Variants in SLC35F4 observed in about 807,000 individuals in gnomAD.
The protein encoded by SLC35F4 is chromosome 14 open reading frame 36.
Under a neutral mutation model 44.2 loss-of-function variants are expected in SLC35F4, and 24 were observed. The observed-to-expected ratio is 0.54, with a 90% CI of 0.39 to 0.76. The LOEUF (loss-of-function observed/expected upper bound fraction) is 0.76, where lower values mean the gene tolerates loss of function less well. Ranked by LOEUF, SLC35F4 falls within the 30% of genes least tolerant of loss-of-function variation. The probability of loss-of-function intolerance (pLI) is 0.00; values close to 1 mark genes in which losing one functional copy is unlikely to be tolerated. For synonymous variants in SLC35F4, 238 were observed against 223.6 expected (o/e 1.06, Z -0.57); for missense variants, 562 against 586.1 (o/e 0.96, Z 0.42).
At chr14:57,944,547 T>C (rs1889973580) in intron 1 of SLC35F4, among the ~76,000 whole-genome samples, 1 of 151,862 alleles carries the variant, frequency 6.6e-6, no homozygotes, top group Admixed American at 6.6e-5. Flanking sequence ...TCCTCAAAAT[T>C]GTGCTTTGTG....
At chr14:57,937,175 C>A (rs893278743) in intron 1 of SLC35F4, among the ~76,000 whole-genome samples, 3 of 151,164 alleles carry the variant, frequency 2.0e-5, no homozygotes, top group Non-Finnish European at 4.4e-5. Context: ...TCAAGCAATT[C>A]TCCTGCCTCA....
intron 1 of SLC35F4, among the ~76,000 whole-genome samples, chr14:57,924,453 CTTTTT>C (rs879756219): frequency 6.9e-6 from 1 of 144,054 alleles, no homozygotes; most frequent in Admixed American, 6.9e-5. Context: ...CTCTTTCTTT[CTTTTT>C]TTTTTTTTAA....
intron 1 of SLC35F4, among the ~76,000 whole-genome samples, chr14:57,710,828 T>C (rs2075800942): frequency 6.6e-6 from 1 of 152,092 alleles, no homozygotes. Context: ...TGTAACCACA[T>C]TTTATCTTGG....
At chr14:57,734,888 T>G (rs925050190) in intron 1 of SLC35F4, among the ~76,000 whole-genome samples, 1 of 152,242 alleles carries the variant, frequency 6.6e-6, no homozygotes. Context: ...AGTCCCCATG[T>G]AGCCTTATGC....
At chr14:57,702,331 T>TA (rs5808935) in intron 1 of SLC35F4, among the ~76,000 whole-genome samples, 3,262 of 136,538 alleles carry the variant, frequency 0.024, 47 homozygotes, top group Middle Eastern at 0.036. Context: ...TCATTTTCTT[T>TA]AAAAAAAAAA....
chr14:57,585,412 T>C (rs1222763388), intron 3 of SLC35F4, among the ~76,000 whole-genome samples: 1 of 152,216 alleles, frequency 6.6e-6, no homozygotes, highest in Non-Finnish European at 1.5e-5. Context: ...GCTAGAAGCA[T>C]TCCCTTTGAA....
intron 1 of SLC35F4, among the ~76,000 whole-genome samples, chr14:57,598,839 A>G (rs2070644283): frequency 1.3e-5 from 2 of 152,182 alleles, no homozygotes; most frequent in Non-Finnish European, 2.9e-5. Context: ...CTAAAGGTAG[A>G]AATCATGAAT....
intron 1 of SLC35F4, among the ~76,000 whole-genome samples, chr14:57,819,990 AG>A (rs1023553298): frequency 6.6e-6 from 1 of 152,158 alleles, no homozygotes; most frequent in African/African-American, 2.4e-5. Context: ...AATACATGAG[AG>A]GGGTGGAATT....
At position 57,813,561 on chromosome 14, in the gene SLC35F4, TA is replaced by T. The variant is rs879258777; in HGVS notation, c.103+52161del. Among the ~76,000 whole-genome samples, 205 of 151,778 alleles carry T rather than the reference TA, an allele frequency of 1.4e-3. 1 individual carries two copies. Among genetic ancestry groups the T allele is most frequent in the African/African-American group, 4.8e-3 (200 of 41,426 alleles). ...GCAGAGTGAGACTGTCTCAAAAAAA[TA>T]AAAAAAAGTATTTTAATAAATATTA... On this transcript the variant is annotated intron_variant, in intron 1 of 7. Coordinates refer to ENST00000556826, the MANE Select transcript of SLC35F4 (RefSeq NM_001306087.2).
intron 1 of SLC35F4, among the ~76,000 whole-genome samples, chr14:57,695,849 T>C (rs1388990326): frequency 6.6e-6 from 1 of 152,110 alleles, no homozygotes; most frequent in African/African-American, 2.4e-5. Flanking sequence ...CCATAAAAAA[T>C]TATGAGTTCA....
At chr14:57,917,873 C>T (rs753111335) in intron 1 of SLC35F4, among the ~76,000 whole-genome samples, 1 of 152,132 alleles carries the variant, frequency 6.6e-6, no homozygotes, top group Non-Finnish European at 1.5e-5. Context: ...GCCTGTGGCC[C>T]TGCATTATGA....
chr14:57,926,294 G>T (rs896238730), intron 1 of SLC35F4, among the ~76,000 whole-genome samples: 2 of 152,140 alleles, frequency 1.3e-5, no homozygotes, highest in Non-Finnish European at 2.9e-5. Flanking sequence ...CTGTGGCAGG[G>T]CTCTGGCTGC....
chr14:57,936,782 A>T (rs1236329370), intron 1 of SLC35F4, among the ~76,000 whole-genome samples: 2 of 151,544 alleles, frequency 1.3e-5, no homozygotes, highest in African/African-American at 4.9e-5. Context: ...TAGGAGGGAT[A>T]AGTATTCGGT....
chr14:57,827,721 C>T (rs1051472001), intron 1 of SLC35F4, among the ~76,000 whole-genome samples: 4 of 151,234 alleles, frequency 2.6e-5, no homozygotes, highest in Admixed American at 2.0e-4. Flanking sequence ...ACAATAGAAG[C>T]CAATACTTTG....
Position 57,894,975 on chromosome 14 carries a change from T to C in SLC35F4, n.282+86938A>G, listed in dbSNP as rs144975930. ...TATTTTCAGTATGTAGATAAGCCTCTTCTTACACATCACTGCCAGGTCAAA... is the reference window on the plus strand; with the variant it reads ...TATTTTCAGTATGTAGATAAGCCTCCTCTTACACATCACTGCCAGGTCAAA... On this transcript the variant is annotated intron_variant and non_coding_transcript_variant, in intron 1 of 1. Coordinates refer to the SLC35F4 transcript ENST00000556568. 5.4e-3 allele frequency among the ~76,000 whole-genome samples: 821 copies of C among 152,278 alleles called. 5 individuals carry two copies. The highest frequency in any genetic ancestry group is 0.018 in the African/African-American group (755 of 41,572).
chr14:57,600,306 G>T (rs1165037152), intron 1 of SLC35F4, among the ~76,000 whole-genome samples: 2 of 152,202 alleles, frequency 1.3e-5, no homozygotes, highest in African/African-American at 4.8e-5. Flanking sequence ...AAGAAATGCT[G>T]AAGACAGAAA....
intron 3 of SLC35F4, among the ~76,000 whole-genome samples, chr14:57,586,839 A>C (rs922510568): frequency 2.0e-4 from 30 of 151,886 alleles, no homozygotes; most frequent in Non-Finnish European, 3.5e-4. Context: ...TGCACAGCAA[A>C]AGAAACTATC....
rs80209876 is a variant in SLC35F4, at chr14:57,686,900, C to T, written c.104-92776G>A. ...CCAAATTTATATGTTGAAGTCCTAA[C>T]TCTCAGAACCTCAGAATGTGATAGT... On this transcript the variant is annotated intron_variant, in intron 1 of 7. Transcript: ENST00000556826. Among the ~76,000 whole-genome samples the T allele has an allele frequency of 4.4e-4, 67 of 152,208 alleles. 3 individuals carry two copies. The East Asian group carries it at 0.013, about 29-fold the overall frequency.
At chr14:57,667,960 AG>A (rs1416718948) in intron 1 of SLC35F4, among the ~76,000 whole-genome samples, 3 of 138,616 alleles carry the variant, frequency 2.2e-5, no homozygotes, top group African/African-American at 8.3e-5. Context: ...ACAGTGTAAA[AG>A]TGTTCCTATT....
Sources: gnomAD v4.1 joint callset for allele counts (sites outside exome capture counted in the v4.1 genomes callset) on GRCh38, gnomAD v4.1.1 for gene constraint, MANE v1.5 for transcripts, NCBI Gene and HGNC (gene_info 2026-07-23, HGNC 2026-07-21) for gene names.